OSBPL10: variants seen among roughly 807,000 people sequenced by gnomAD.
OSBPL10 encodes the protein oxysterol binding protein like 10, also known as oxysterol-binding protein-related protein 10.
In OSBPL10, 49 loss-of-function variants were observed where a neutral mutation model predicts 81.7. That is an observed-to-expected ratio of 0.60 (90% confidence interval 0.48 to 0.76). OSBPL10 has a LOEUF of 0.76. OSBPL10 is among the 30% of genes least tolerant of loss of function. The probability of loss-of-function intolerance (pLI) is 0.00; values close to 1 mark genes in which losing one functional copy is unlikely to be tolerated. For missense variants in OSBPL10, 923 were observed against 987.8 expected, an observed-to-expected ratio of 0.93 and a Z score of 0.88; for synonymous variants, 419 against 383.6, an observed-to-expected ratio of 1.09 and a Z score of -1.08.
At chr3:31,900,032 T>TAAAAAAAAG (rs1696187283) in intron 1 of OSBPL10, among the ~76,000 whole-genome samples, 1 of 151,224 alleles carries the variant, frequency 6.6e-6, no homozygotes, top group Non-Finnish European at 1.5e-5. Flanking sequence ...AAACTTTTTT[T>TAAAAAAAAG]TTTTTTTTTT....
At position 31,766,082 on chromosome 3, in the gene OSBPL10, A is replaced by G. The variant is rs186419073; in HGVS notation, c.730-17962T>C. 1.6e-3 allele frequency among the ~76,000 whole-genome samples: 238 copies of G among 152,210 alleles called. 2 individuals carry two copies. Among genetic ancestry groups the G allele is most frequent in the African/African-American group, 5.4e-3 (223 of 41,536 alleles). ...ACTCAACTTCCTCCACTTGCAACAA[A>G]GCCCAGCAGAGCCGCTGGAGCCAAA... On this transcript the variant is annotated intron_variant, in intron 4 of 11. Coordinates refer to ENST00000396556, the MANE Select transcript of OSBPL10 (RefSeq NM_017784.5).
At chr3:31,837,586 T>C (rs888483527) in intron 3 of OSBPL10, among the ~76,000 whole-genome samples, 1 of 150,650 alleles carries the variant, frequency 6.6e-6, no homozygotes, top group Non-Finnish European at 1.5e-5. Flanking sequence ...CACTGTTTCC[T>C]GGAAGCACTA....
Position 31,668,862 on chromosome 3 carries a change from A to G in OSBPL10, c.1914-38T>C, listed in dbSNP as rs757202606. 2.8e-5 allele frequency: 41 copies of G among 1,486,250 alleles called. 1 individual carries two copies. In the South Asian group the frequency reaches 4.5e-4, roughly 16 times the overall value. 92.1% of individuals were successfully genotyped at this position (1,486,250 alleles called of 1,614,324 possible). A position where few individuals can be genotyped will look rare whatever the true frequency, so the allele number is the denominator to read the frequency against. On this transcript the variant is annotated intron_variant, in intron 9 of 11. Coordinates refer to ENST00000396556, the MANE Select transcript of OSBPL10 (RefSeq NM_017784.5). ...GTCAAATGAGTACACACTTTTCAAA[A>G]TGATAAAAACAGAGACTTCAAAGGT...
chr3:31,702,660 G>A lies in OSBPL10; in HGVS notation c.1096-152C>T. 8 of 1,036,140 alleles carry A rather than the reference G, an allele frequency of 7.7e-6. No individual in the cohort carries two copies. The South Asian group carries it at 1.3e-4, about 17-fold the overall frequency. The allele number at this position is 1,036,140 out of a possible 1,614,324, so 64.2% of individuals were successfully genotyped here. ...ACCCAGTCCTATTGGCCACGGGGCAGACAAGTCCCCTGGGGGTCGGACCTG... is the reference window on the plus strand; with the variant it reads ...ACCCAGTCCTATTGGCCACGGGGCAAACAAGTCCCCTGGGGGTCGGACCTG... On this transcript the variant is annotated intron_variant, in intron 6 of 11. Coordinates refer to ENST00000396556, the MANE Select transcript of OSBPL10 (RefSeq NM_017784.5).
chr3:31,734,134 A>G (rs916905885), intron 5 of OSBPL10, among the ~76,000 whole-genome samples: 2 of 152,236 alleles, frequency 1.3e-5, no homozygotes, highest in Admixed American at 6.5e-5. Flanking sequence ...AGATGCCTGC[A>G]AAGTGAGCAC....
intron 1 of OSBPL10, among the ~76,000 whole-genome samples, chr3:31,933,134 G>T (rs375630436): frequency 1.3e-5 from 2 of 152,072 alleles, no homozygotes; most frequent in African/African-American, 4.8e-5. Context: ...CCAGTTTTAC[G>T]CATGGAGAAA....
At chr3:31,879,337 T>C (rs755899144) in intron 2 of OSBPL10, 1 of 222,408 alleles carries the variant, frequency 4.5e-6, no homozygotes, top group South Asian at 9.3e-5. Context: ...GGCACTGTAG[T>C]GAAGATTCAT....
In OSBPL10 at chr3:31,830,122, A is replaced by G. The variant is rs1357284934; in HGVS notation, c.647T>C (p.Val216Ala). The G allele has an allele frequency of 3.1e-6, 5 of 1,613,986 alleles. No individual in the cohort carries two copies. In the Admixed American group the frequency reaches 8.3e-5, roughly 27 times the overall value. ...RHLSVGAPGVVTITHHKSPAA... is the reference protein window; with the variant it reads ...RHLSVGAPGVATITHHKSPAA... ...AGGCGACTTGTGATGCGTGATTGTG[A>G]CAACACCGGGGGCCCCCACACTGAG... is the stretch of plus-strand genomic sequence containing the variant. The change falls in exon 4 of 12, where the codon GTC (valine) becomes GCC (alanine). Residue 216 changes from valine to alanine, a missense_variant. Val to Ala is a moderately conservative substitution (Grantham distance 64). Transcript: ENST00000396556.
At chr3:32,059,697 T>A (rs988905227) in intron 1 of OSBPL10, among the ~76,000 whole-genome samples, 2 of 151,808 alleles carry the variant, frequency 1.3e-5, no homozygotes. Flanking sequence ...GTAGGAGGAT[T>A]TCTTGAGCCC....
rs185616273 is a variant in OSBPL10 at position 31,918,470 on chromosome 3, T to C, written c.282-38640A>G. Among the ~76,000 whole-genome samples, 1,131 of 152,068 alleles carry C rather than the reference T, an allele frequency of 7.4e-3. 8 individuals are homozygous for C. The highest frequency in any genetic ancestry group is 0.031 in the Middle Eastern group (9 of 294). ...CAGCCTCCTGAGGAGTGAGCTACCATGCCTGGCTCCAGAGCAGTTTTGTGT... is the reference window on the plus strand; with the variant it reads ...CAGCCTCCTGAGGAGTGAGCTACCACGCCTGGCTCCAGAGCAGTTTTGTGT... On this transcript the variant is annotated intron_variant, in intron 1 of 11. Coordinates refer to ENST00000396556, the MANE Select transcript of OSBPL10 (RefSeq NM_017784.5).
intron 5 of OSBPL10, among the ~76,000 whole-genome samples, chr3:31,743,872 G>A (rs1490331851): frequency 6.6e-6 from 1 of 152,160 alleles, no homozygotes; most frequent in African/African-American, 2.4e-5. Flanking sequence ...TTTTATCAAT[G>A]TGTGTCAGGC....
intron 5 of OSBPL10, among the ~76,000 whole-genome samples, chr3:31,746,349 G>A (rs748834042): frequency 2.0e-5 from 3 of 152,098 alleles, no homozygotes; most frequent in African/African-American, 4.8e-5. Flanking sequence ...TAATGTGGTG[G>A]CCTCAACACC....
chr3:31,883,728 C>T (rs1041744779), intron 1 of OSBPL10, among the ~76,000 whole-genome samples: 23 of 152,070 alleles, frequency 1.5e-4, no homozygotes, highest in African/African-American at 5.1e-4. Flanking sequence ...GACAGGGTTT[C>T]GCCATGTTGG....
intron 7 of OSBPL10, among the ~76,000 whole-genome samples, chr3:31,689,780 A>G (rs924285189): frequency 2.6e-5 from 4 of 152,172 alleles, no homozygotes; most frequent in Admixed American, 6.5e-5. Context: ...GCCTTCTGCC[A>G]TGATTGTGAG....
At chr3:32,010,320 C>A (rs908731017) in intron 2 of OSBPL10, among the ~76,000 whole-genome samples, 4 of 152,170 alleles carry the variant, frequency 2.6e-5, no homozygotes, top group African/African-American at 9.7e-5. Context: ...AAATAAATTT[C>A]TGTTGTTTAA....
chr3:31,816,481 T>C (rs923317767), intron 4 of OSBPL10, among the ~76,000 whole-genome samples: 1 of 152,178 alleles, frequency 6.6e-6, no homozygotes, highest in Non-Finnish European at 1.5e-5. Context: ...GCATTAAAAT[T>C]ACACAGGGGA....
At chr3:32,033,073 C>T (rs748506741) in intron 2 of OSBPL10, among the ~76,000 whole-genome samples, 2 of 152,124 alleles carry the variant, frequency 1.3e-5, no homozygotes, top group Non-Finnish European at 2.9e-5. Context: ...TTAGATTTTA[C>T]AAGTTGTGTG....
At chr3:31,722,116 C>T (rs555744432) in intron 6 of OSBPL10, among the ~76,000 whole-genome samples, 6 of 152,186 alleles carry the variant, frequency 3.9e-5, no homozygotes, top group African/African-American at 1.4e-4. Context: ...AATTTAACTG[C>T]CACCCCCTCA....
chr3:31,912,100 C>CA (rs142607676), intron 1 of OSBPL10, among the ~76,000 whole-genome samples: 10,741 of 147,230 alleles, frequency 0.073, 577 homozygotes, highest in East Asian at 0.3. Context: ...ATGTTTAAAT[C>CA]AAAAAAAAAA....
Sources: gnomAD v4.1 joint callset for allele counts (sites outside exome capture counted in the v4.1 genomes callset) on GRCh38, gnomAD v4.1.1 for gene constraint, MANE v1.5 for transcripts, NCBI Gene and HGNC (gene_info 2026-07-23, HGNC 2026-07-21) for gene names.